MELK: variants seen among roughly 807,000 people sequenced by gnomAD.
MELK encodes pEg3 kinase.
Under a neutral mutation model 85.0 loss-of-function variants are expected in MELK, and 81 were observed. The observed-to-expected ratio is 0.95, with a 90% CI of 0.80 to 1.15. The LOEUF (loss-of-function observed/expected upper bound fraction) is 1.15, where lower values mean the gene tolerates loss of function less well. Ranked by LOEUF, MELK falls within the 50% of genes most tolerant of loss-of-function variation. The pLI is 0.00. For missense variants in MELK, 754 were observed against 777.5 expected (o/e 0.97, Z 0.36); for synonymous variants, 252 against 265.0 (o/e 0.95, Z 0.48).
chr9:36,579,019 A>ATATT (rs570053757), intron 1 of MELK, among the ~76,000 whole-genome samples: 10 of 136,258 alleles, frequency 7.3e-5, no homozygotes, highest in South Asian at 6.9e-4. Context: ...ATTTATTTAT[A>ATATT]TATTTATTTA....
At chr9:36,614,968 G>A (rs1276351368) in intron 8 of MELK, among the ~76,000 whole-genome samples, 1 of 148,228 alleles carries the variant, frequency 6.7e-6, no homozygotes, top group African/African-American at 2.5e-5. Context: ...CTCCCAGACG[G>A]GGTGGTGGCC....
chr9:36,670,425 AC>A (rs1241354695), intron 15 of MELK, among the ~76,000 whole-genome samples: 1 of 152,148 alleles, frequency 6.6e-6, no homozygotes, highest in African/African-American at 2.4e-5. Context: ...ATGGAAGACA[AC>A]ATCCTTATTC....
intron 8 of MELK, among the ~76,000 whole-genome samples, chr9:36,620,088 A>T (rs1242699444): frequency 6.6e-6 from 1 of 152,178 alleles, no homozygotes; most frequent in Admixed American, 6.5e-5. Context: ...TAACTTATTC[A>T]GGGTCTTATA....
Position 36,581,696 on chromosome 9 carries a change from T to A in MELK, c.15T>A (p.Asp5Glu), listed in dbSNP as rs1822252390. The A allele has an allele frequency of 1.3e-6, 2 of 1,598,022 alleles. No homozygotes were observed. The highest frequency in any genetic ancestry group is 1.7e-6 in the Non-Finnish European group (2 of 1,166,532). The change falls in exon 2 of 18, where the codon GAT (aspartate) becomes GAA (glutamate). Residue 5 changes from aspartate (D) to glutamate (E), a missense_variant. By Grantham distance (45) the Asp-to-Glu change is conservative. Transcript: ENST00000298048. MKDYDELLKYYELHE... is the reference protein window; with the variant it reads MKDYEELLKYYELHE... ...GCAAGAGGACTATGAAAGATTATGA[T>A]GAACTTCTCAAATATTATGAATTAC... is the stretch of plus-strand genomic sequence containing the variant.
At position 36,665,301 on chromosome 9, in the gene MELK, T is replaced by A. The variant is rs200876107; in HGVS notation, c.1177-49T>A. On this transcript the variant is annotated intron_variant, in intron 13 of 17. Coordinates refer to ENST00000298048, the MANE Select transcript of MELK (RefSeq NM_014791.4). ...ATGATCAAGGAATGTTGTAAAGAAA[T>A]TGACTTTTCTTCTTCAGTGTGCTTT... is the stretch of plus-strand genomic sequence containing the variant. 90 of 1,151,738 alleles carry A rather than the reference T, an allele frequency of 7.8e-5. No homozygotes were observed. In the African/African-American group the frequency reaches 1.0e-3, roughly 13 times the overall value. 71.3% of individuals were successfully genotyped at this position (1,151,738 alleles called of 1,614,324 possible).
chr9:36,621,311 A>AAAC (rs1827420209), intron 8 of MELK, among the ~76,000 whole-genome samples: 2 of 137,264 alleles, frequency 1.5e-5, no homozygotes, highest in Non-Finnish European at 1.6e-5. Flanking sequence ...AAAAAAAAAA[A>AAAC]AAAAAACTTG....
intron 3 of MELK, among the ~76,000 whole-genome samples, chr9:36,587,603 C>T (rs573643936): frequency 6.6e-5 from 10 of 150,454 alleles, no homozygotes; most frequent in Admixed American, 2.7e-4. Flanking sequence ...GCATGAGCCA[C>T]TGTAGAGCCC....
intron 9 of MELK, 115 bp downstream of exon 9, chr9:36,630,482 A>G: frequency 1.3e-6 from 1 of 799,796 alleles, no homozygotes; most frequent in Non-Finnish European, 2.1e-6. Context: ...ACTCATATCT[A>G]CCTTGAAAAT....
Position 36,594,636 on chromosome 9 carries a change from T to C in MELK, c.270T>C (p.Pro90=), listed in dbSNP as rs1331244613. ...TTCCATTGCTGTTGAAGTACTGCCC[T>C]GGAGGAGAGCTGTTTGACTATATAA... ...NKIFMVLEYC[P]GGELFDYIIS... Residue 90 remains proline (P), a synonymous_variant, in exon 5 of 18, where the codon CCT becomes CCC. Transcript: ENST00000298048. 2.5e-6 allele frequency: 4 copies of C among 1,613,934 alleles called. No homozygotes were observed. Among genetic ancestry groups the C allele is most frequent in the Middle Eastern group, 1.7e-4 (1 of 6,050 alleles).
intron 7 of MELK, among the ~76,000 whole-genome samples, chr9:36,604,776 T>C (rs1348225670): frequency 6.6e-6 from 1 of 151,770 alleles, no homozygotes; most frequent in Non-Finnish European, 1.5e-5. Context: ...CCCGAATTGC[T>C]GGAATTATAG....
chr9:36,648,416 C>T (rs1410904665), intron 11 of MELK, among the ~76,000 whole-genome samples: 1 of 152,168 alleles, frequency 6.6e-6, no homozygotes, highest in Non-Finnish European at 1.5e-5. Flanking sequence ...AGAGGAAAAA[C>T]AGGAAGATGG....
intron 4 of MELK, among the ~76,000 whole-genome samples, chr9:36,593,731 A>G (rs1378435847): frequency 6.6e-6 from 1 of 152,076 alleles, no homozygotes; most frequent in African/African-American, 2.4e-5. Flanking sequence ...TCACTTTGTC[A>G]CCCAGGCTGG....
At chr9:36,635,205 A>G (rs1221599856) in intron 10 of MELK, among the ~76,000 whole-genome samples, 1 of 152,202 alleles carries the variant, frequency 6.6e-6, no homozygotes, top group Non-Finnish European at 1.5e-5. Flanking sequence ...ATATTTTAGT[A>G]CAGTTTGGTG....
At chr9:36,613,049 C>T (rs1826205889) in intron 8 of MELK, among the ~76,000 whole-genome samples, 1 of 152,150 alleles carries the variant, frequency 6.6e-6, no homozygotes, top group Non-Finnish European at 1.5e-5. Context: ...GTAATGTGGC[C>T]TCCCATCACC....
chr9:36,580,826 T>G lies in MELK; in HGVS notation c.-38-818T>G, dbSNP rs113923170. On this transcript the variant is annotated intron_variant, in intron 1 of 17. Coordinates refer to ENST00000298048, the MANE Select transcript of MELK (RefSeq NM_014791.4). ...TCACTGCAACCTCCACCTCCCGGGT[T>G]CAAGCGATTCTCCTGCATCAGCCTC... is the stretch of plus-strand genomic sequence containing the variant. Among the ~76,000 whole-genome samples the G allele has an allele frequency of 5.6e-3, 856 of 151,988 alleles. 9 individuals carry two copies. Among genetic ancestry groups the G allele is most frequent in the African/African-American group, 0.02 (828 of 41,442 alleles).
intron 16 of MELK, among the ~76,000 whole-genome samples, chr9:36,672,570 A>G (rs920986858): frequency 2.6e-5 from 4 of 152,178 alleles, no homozygotes; most frequent in Admixed American, 6.5e-5. Flanking sequence ...TAGGAGAAAA[A>G]CCACAGGATT....
intron 9 of MELK, among the ~76,000 whole-genome samples, chr9:36,632,227 CTT>C (rs1246758299): frequency 1.3e-5 from 2 of 152,144 alleles, no homozygotes; most frequent in Non-Finnish European, 2.9e-5. Flanking sequence ...TGGGGCCACA[CTT>C]TGAGAACCAC....
chr9:36,675,232 T>C (rs1185225141), intron 17 of MELK, among the ~76,000 whole-genome samples: 5 of 152,142 alleles, frequency 3.3e-5, no homozygotes, highest in Non-Finnish European at 7.3e-5. Context: ...TGCAATGAGC[T>C]GAGATCACAC....
chr9:36,579,227 A>G (rs1201131680), intron 1 of MELK, among the ~76,000 whole-genome samples: 1 of 152,160 alleles, frequency 6.6e-6, no homozygotes, highest in Non-Finnish European at 1.5e-5. Flanking sequence ...GGGTTTCACC[A>G]TGTTGGTCAG....
Sources: gnomAD v4.1 joint callset for allele counts (sites outside exome capture counted in the v4.1 genomes callset) on GRCh38, gnomAD v4.1.1 for gene constraint, MANE v1.5 for transcripts, NCBI Gene and HGNC (gene_info 2026-07-23, HGNC 2026-07-21) for gene names.